The following PRP4K variants were observed in gnomAD, a reference collection of about 807,000 sequenced individuals.
PRP4K encodes the protein pre-mRNA processing factor kinase PRP4K.
chr6:4,027,532 A>G, the PRP4K span, among the ~76,000 whole-genome samples: 2 of 131,466 alleles, frequency 1.5e-5, no homozygotes, highest in Non-Finnish European at 3.1e-5. Context: ...TCAGCTCCAC[A>G]GGATTTTTGT....
the PRP4K span, chr6:4,037,320 C>G: frequency 1.5e-6 from 2 of 1,323,158 alleles, no homozygotes; most frequent in Non-Finnish European, 2.0e-6. Context: ...CCTTTTCTTA[C>G]AGATGTTCTT....
chr6:4,039,924 A>G, the PRP4K span, among the ~76,000 whole-genome samples: 1 of 131,552 alleles, frequency 7.6e-6, no homozygotes, highest in Non-Finnish European at 1.5e-5. Flanking sequence ...TTCTTGAGGT[A>G]GGATCTTGCT....
At chr6:4,044,814 G>A in the PRP4K span, among the ~76,000 whole-genome samples, 118 of 151,376 alleles carry the variant, frequency 7.8e-4, 2 homozygotes, top group Admixed American at 7.0e-3. Flanking sequence ...TGAACTTGTT[G>A]GAGGGCAGAA....
chr6:4,044,869 T>TA, the PRP4K span, among the ~76,000 whole-genome samples: 1 of 148,778 alleles, frequency 6.7e-6, no homozygotes, highest in Non-Finnish European at 1.5e-5. Context: ...TATTATTTTT[T>TA]TTTTTTTTTA....
the PRP4K span, among the ~76,000 whole-genome samples, chr6:4,054,122 A>G: frequency 6.6e-6 from 1 of 152,196 alleles, no homozygotes; most frequent in East Asian, 1.9e-4. Flanking sequence ...GGCTGGTCTC[A>G]AACTCCTGGG....
chr6:4,049,889 GA>G, the PRP4K span: 1 of 1,613,558 alleles, frequency 6.2e-7, no homozygotes, highest in Non-Finnish European at 8.5e-7. Flanking sequence ...TGTAAGTTCA[GA>G]AGACGTGAGG....
chr6:4,051,169 C>T, the PRP4K span, among the ~76,000 whole-genome samples: 1 of 152,058 alleles, frequency 6.6e-6, no homozygotes, highest in African/African-American at 2.4e-5. Context: ...CTCGGCCTCC[C>T]AAAGTGCTGG....
chr6:4,029,402 G>GGCC, the PRP4K span, among the ~76,000 whole-genome samples: 1 of 146,876 alleles, frequency 6.8e-6, no homozygotes, highest in Non-Finnish European at 1.5e-5. Context: ...GGAGTGCAGT[G>GGCC]GCCCCATCAT....
At chr6:4,054,777 T>G in the PRP4K span, among the ~76,000 whole-genome samples, 1 of 152,240 alleles carries the variant, frequency 6.6e-6, no homozygotes, top group Non-Finnish European at 1.5e-5. Flanking sequence ...GTGCTGGGAT[T>G]ATAAGCGTGA....
the PRP4K span, chr6:4,050,380 C>T: frequency 1.5e-6 from 1 of 660,482 alleles, no homozygotes; most frequent in Non-Finnish European, 2.4e-6. Flanking sequence ...GTCATATGTA[C>T]TGGAACAACA....
the PRP4K span, among the ~76,000 whole-genome samples, chr6:4,046,353 A>C: frequency 2.6e-5 from 4 of 152,154 alleles, no homozygotes; most frequent in African/African-American, 9.7e-5. Context: ...ACCTCATTGT[A>C]GTTTTAATTT....
chr6:4,056,671 T>G, the PRP4K span: 2 of 1,558,784 alleles, frequency 1.3e-6, no homozygotes, highest in South Asian at 1.1e-5. Flanking sequence ...TTTAGAAGAC[T>G]GCTCTTGATT....
At chr6:4,053,268 G>A in the PRP4K span, among the ~76,000 whole-genome samples, 1 of 152,062 alleles carries the variant, frequency 6.6e-6, no homozygotes, top group Non-Finnish European at 1.5e-5. Flanking sequence ...GTGGCTCCTG[G>A]GGGCTCAAAC....
the PRP4K span, chr6:4,031,482 A>G: frequency 1.2e-5 from 14 of 1,148,062 alleles, no homozygotes; most frequent in Admixed American, 1.6e-4. Flanking sequence ...GTATTTTCTC[A>G]TTACTGTTAT....
At chr6:4,045,528 AGATACTCTTTT>A in the PRP4K span, among the ~76,000 whole-genome samples, 1 of 152,238 alleles carries the variant, frequency 6.6e-6, no homozygotes, top group Admixed American at 6.5e-5. Flanking sequence ...GTTAGGAAGT[AGATACTCTTTT>A]GGAAAGGAGG....
chr6:4,047,147 T>A, the PRP4K span: 3 of 1,568,278 alleles, frequency 1.9e-6, no homozygotes, highest in South Asian at 3.4e-5. Flanking sequence ...TCTTCACTTT[T>A]CAAACATTAA....
chr6:4,041,519 T>A, the PRP4K span, among the ~76,000 whole-genome samples: 1 of 152,042 alleles, frequency 6.6e-6, no homozygotes, highest in African/African-American at 2.4e-5. Flanking sequence ...ACCACTGCAC[T>A]CCAGCCTGAG....
chr6:4,042,558 C>A, the PRP4K span: 1 of 1,605,146 alleles, frequency 6.2e-7, no homozygotes, highest in Non-Finnish European at 8.5e-7. Flanking sequence ...CAAAGGCAGG[C>A]AATTGTTCAG....
the PRP4K span, chr6:4,052,972 A>G: frequency 9.2e-7 from 1 of 1,087,572 alleles, no homozygotes; most frequent in African/African-American, 1.6e-5. Flanking sequence ...TCTTAGAAGC[A>G]TAGTTCAGTA....
Sources: allele counts gnomAD v4.1 joint callset (sites outside exome capture counted in the v4.1 genomes callset), GRCh38; gene constraint gnomAD v4.1.1; transcripts MANE v1.5; gene names NCBI Gene and HGNC (gene_info 2026-07-23, HGNC 2026-07-21).